GMDS: variants seen among roughly 807,000 people sequenced by gnomAD.
GMDS encodes the protein GDP-mannose 4,6-dehydratase, also known as GDP-mannose 4,6 dehydratase.
Under a neutral mutation model 49.9 loss-of-function variants are expected in GMDS, and 20 were observed. That is an observed-to-expected ratio of 0.40 (90% confidence interval 0.28 to 0.58). The LOEUF is 0.58. Among genes scored for constraint, GMDS ranks in the 20% least tolerant of loss-of-function variants. GMDS has a pLI of 0.42. For synonymous variants in GMDS, 177 were observed against 178.6 expected (o/e 0.99, Z 0.07); for missense variants, 362 against 481.4 (o/e 0.75, Z 2.32).
At chr6:1,888,007 G>A (rs9405522) in intron 7 of GMDS, among the ~76,000 whole-genome samples, 71,207 of 151,632 alleles carry the variant, frequency 0.47, 19,200 homozygotes, top group Non-Finnish European at 0.61. Flanking sequence ...GGAGTGTAAC[G>A]GTGCAATCAT....
At chr6:1,999,982 T>A (rs796661645) in intron 4 of GMDS, among the ~76,000 whole-genome samples, 197 of 11,116 alleles carry the variant, frequency 0.018, 5 homozygotes, top group Middle Eastern at 0.05. Flanking sequence ...ATATATATAT[T>A]TTATATATAT....
intron 1 of GMDS, among the ~76,000 whole-genome samples, chr6:2,201,200 G>C (rs1214188853): frequency 4.8e-5 from 6 of 124,872 alleles, no homozygotes; most frequent in East Asian, 2.8e-4. Context: ...GGGATGAAGA[G>C]AGAGCACCAC....
intron 1 of GMDS, among the ~76,000 whole-genome samples, chr6:2,128,551 T>A (rs1180058411): frequency 6.6e-6 from 1 of 152,154 alleles, no homozygotes; most frequent in Non-Finnish European, 1.5e-5. Context: ...TTAGCCAACT[T>A]TTCTAATATC....
chr6:2,197,912 C>T (rs1314153746), intron 1 of GMDS, among the ~76,000 whole-genome samples: 1 of 152,192 alleles, frequency 6.6e-6, no homozygotes, highest in Non-Finnish European at 1.5e-5. Flanking sequence ...TGAGAAACAA[C>T]ACAGGTACCA....
intron 1 of GMDS, among the ~76,000 whole-genome samples, chr6:2,218,185 G>A (rs17134801): frequency 0.02 from 3,073 of 152,264 alleles, 92 homozygotes; most frequent in African/African-American, 0.068. Flanking sequence ...CATATGCAGA[G>A]TTGGAGCGAA....
intron 9 of GMDS, among the ~76,000 whole-genome samples, chr6:1,710,193 C>G (rs1765895003): frequency 6.6e-6 from 1 of 152,222 alleles, no homozygotes; most frequent in Non-Finnish European, 1.5e-5. Flanking sequence ...CTCTGCCTGT[C>G]AAGTTGACTT....
intron 4 of GMDS, among the ~76,000 whole-genome samples, chr6:2,027,016 AC>A (rs1460434129): frequency 6.6e-6 from 1 of 152,244 alleles, no homozygotes; most frequent in Non-Finnish European, 1.5e-5. Context: ...ATTATGGAAT[AC>A]ATTTTAGCAT....
chr6:1,982,286 G>A (rs889803768), intron 4 of GMDS, among the ~76,000 whole-genome samples: 14 of 152,278 alleles, frequency 9.2e-5, no homozygotes, highest in African/African-American at 3.1e-4. Context: ...CATACTGAAT[G>A]AGCAAAAGCT....
intron 9 of GMDS, among the ~76,000 whole-genome samples, chr6:1,720,449 G>A (rs1257817469): frequency 6.6e-6 from 1 of 152,178 alleles, no homozygotes; most frequent in Non-Finnish European, 1.5e-5. Flanking sequence ...TTAGTATGAG[G>A]AGCCTAAGAG....
At chr6:2,096,904 TTAAG>T (rs999581009) in intron 4 of GMDS, among the ~76,000 whole-genome samples, 2 of 152,142 alleles carry the variant, frequency 1.3e-5, no homozygotes, top group Non-Finnish European at 1.5e-5. Context: ...TAGAGACTAA[TTAAG>T]TTAGTGACTG....
At chr6:2,079,472 T>C (rs541231027) in intron 4 of GMDS, among the ~76,000 whole-genome samples, 1 of 152,254 alleles carries the variant, frequency 6.6e-6, no homozygotes, top group East Asian at 1.9e-4. Context: ...ATTCATAAGT[T>C]TTCATGATGG....
chr6:1,717,120 A>G (rs1766203820), intron 9 of GMDS, among the ~76,000 whole-genome samples: 1 of 152,234 alleles, frequency 6.6e-6, no homozygotes, highest in Non-Finnish European at 1.5e-5. Flanking sequence ...CTGGAGCCTC[A>G]ACAAGGAAGG....
intron 1 of GMDS, among the ~76,000 whole-genome samples, chr6:2,137,098 T>C (rs1776045670): frequency 6.6e-6 from 1 of 152,112 alleles, no homozygotes; most frequent in Non-Finnish European, 1.5e-5. Flanking sequence ...AACAAAGAGC[T>C]CTTCAAATTC....
intron 4 of GMDS, among the ~76,000 whole-genome samples, chr6:1,966,678 T>A (rs1005960024): frequency 6.6e-6 from 1 of 152,176 alleles, no homozygotes; most frequent in Non-Finnish European, 1.5e-5. Context: ...CCAGGGCACC[T>A]CTTGGAGCAA....
At position 1,827,134 on chromosome 6, in the gene GMDS, G is replaced by GATATAT. The variant is rs533019372; in HGVS notation, c.772-84554_772-84549dup. Among the ~76,000 whole-genome samples the GATATAT allele has an allele frequency of 9.1e-3, 1,132 of 124,504 alleles. 16 individuals carry two copies. The highest frequency in any genetic ancestry group is 0.031 in the African/African-American group (1,062 of 33,822). 81.7% of individuals were successfully genotyped at this position (124,504 alleles called of 152,430 possible). A position where few individuals can be genotyped will look rare whatever the true frequency, so the allele number is the denominator to read the frequency against. Reference sequence around the variant, plus strand: ...TGTGTGTGTGTGTATGTGTATCCAGGATATATATATATATATATGCACACA... The same window carrying GATATAT: ...TGTGTGTGTGTGTATGTGTATCCAGGATATATATATATATATATATATATGCACACA... On this transcript the variant is annotated intron_variant, in intron 7 of 10. Transcript: ENST00000380815.
rs1171970450 is a variant in GMDS, at chr6:1,833,688, T to A, written c.772-91102A>T. On this transcript the variant is annotated intron_variant, in intron 7 of 10. Transcript: ENST00000380815. This position sits in a 1 kb window ranked among gnomAD's most constrained non-coding sequence, Gnocchi z 4.4. ...GATGACCTAATTCTTCCAGCGAAGT[T>A]TAAAACTATAACCAAGGTTGTTTAA... is the stretch of plus-strand genomic sequence containing the variant. 2.0e-5 allele frequency among the ~76,000 whole-genome samples: 3 copies of A among 152,154 alleles called. No individual in the cohort carries two copies. Among genetic ancestry groups the A allele is most frequent in the Non-Finnish European group, 4.4e-5 (3 of 68,030 alleles).
chr6:1,846,051 G>A (rs987024521), intron 7 of GMDS, among the ~76,000 whole-genome samples: 1 of 150,408 alleles, frequency 6.6e-6, no homozygotes, highest in Admixed American at 6.6e-5. Flanking sequence ...TAGATGGGGA[G>A]TCAAGGTCCA....
chr6:1,660,509 C>T (rs901151693), intron 9 of GMDS, among the ~76,000 whole-genome samples: 1 of 151,512 alleles, frequency 6.6e-6, no homozygotes, highest in African/African-American at 2.4e-5. Flanking sequence ...GCGGAGAGGC[C>T]GGGGAGGAGA....
At chr6:1,978,613 C>T (rs1352255144) in intron 4 of GMDS, among the ~76,000 whole-genome samples, 3 of 152,144 alleles carry the variant, frequency 2.0e-5, no homozygotes, top group South Asian at 2.1e-4. Context: ...GCTCTAATTT[C>T]ACCCTGGGGC....
Sources: allele counts gnomAD v4.1 joint callset (sites outside exome capture counted in the v4.1 genomes callset), GRCh38; gene constraint gnomAD v4.1.1; non-coding constraint Gnocchi (gnomAD v3.1); transcripts MANE v1.5; gene names NCBI Gene and HGNC (gene_info 2026-07-23, HGNC 2026-07-21).